LIPC: variants seen among roughly 807,000 people sequenced by gnomAD.
LIPC encodes the protein hepatic triacylglycerol lipase.
A neutral mutation model predicts 50.7 loss-of-function variants in LIPC; 44 were observed. That is an observed-to-expected ratio of 0.87 (90% CI 0.68 to 1.11). LIPC has a LOEUF of 1.11. Ranked by LOEUF, LIPC falls within the 50% of genes most tolerant of loss-of-function variation. The pLI, the probability that LIPC is intolerant of heterozygous loss-of-function variation, is 0.00. For missense variants in LIPC, 697 were observed against 648.2 expected (o/e 1.08, Z -0.82); for synonymous variants, 271 against 256.4 (o/e 1.06, Z -0.54).
intron 1 of LIPC, among the ~76,000 whole-genome samples, chr15:58,514,447 A>C (rs1177399857): frequency 2.0e-5 from 3 of 152,234 alleles, no homozygotes; most frequent in Non-Finnish European, 4.4e-5. Flanking sequence ...CCCTTATCTC[A>C]TATAGAAGAC....
At chr15:58,564,086 A>T (rs1182345988) in intron 8 of LIPC, 18 of 311,502 alleles carry the variant, frequency 5.8e-5, no homozygotes, top group African/African-American at 3.2e-4. Context: ...TAGATGCAAC[A>T]TCTTTTTTTT....
At chr15:58,539,959 C>T (rs1893266132) in intron 2 of LIPC, among the ~76,000 whole-genome samples, 1 of 152,206 alleles carries the variant, frequency 6.6e-6, no homozygotes, top group African/African-American at 2.4e-5. Flanking sequence ...CCGGGAGTTC[C>T]CGTGTGGCCC....
intron 1 of LIPC, among the ~76,000 whole-genome samples, chr15:58,465,126 C>A (rs547218095): frequency 6.6e-6 from 1 of 152,256 alleles, no homozygotes; most frequent in East Asian, 1.9e-4. Context: ...GTTTTGGGTT[C>A]CTATGTCTTA....
At chr15:58,561,469 T>C (rs1273983109) in intron 7 of LIPC, among the ~76,000 whole-genome samples, 1 of 152,158 alleles carries the variant, frequency 6.6e-6, no homozygotes, top group African/African-American at 2.4e-5. Flanking sequence ...AAGGTTCTTA[T>C]TATGCAGAAG....
At chr15:58,441,133 G>A (rs544196670) in intron 1 of LIPC, among the ~76,000 whole-genome samples, 1 of 152,330 alleles carries the variant, frequency 6.6e-6, no homozygotes, top group African/African-American at 2.4e-5. Flanking sequence ...GTGGGGCCCA[G>A]CAGGGACCAG....
intron 1 of LIPC, among the ~76,000 whole-genome samples, chr15:58,511,513 G>A (rs978355066): frequency 6.6e-6 from 1 of 152,154 alleles, no homozygotes; most frequent in African/African-American, 2.4e-5. Flanking sequence ...CAAGGGTTAG[G>A]GCCCAGGCAA....
intron 1 of LIPC, among the ~76,000 whole-genome samples, chr15:58,537,593 T>C (rs1363030018): frequency 2.0e-5 from 3 of 152,302 alleles, no homozygotes; most frequent in Admixed American, 6.5e-5. Flanking sequence ...TCTTTATGTA[T>C]GCAAGGTTGC....
chr15:58,517,849 G>C (rs1468529305), intron 1 of LIPC, among the ~76,000 whole-genome samples: 2 of 152,206 alleles, frequency 1.3e-5, no homozygotes, highest in Non-Finnish European at 2.9e-5. Context: ...AGAAAGGCAG[G>C]CGTCACAGCT....
chr15:58,541,669 G>A lies in LIPC; in HGVS notation c.274-116G>A, dbSNP rs1262103706. The A allele has an allele frequency of 6.6e-6, 7 of 1,056,662 alleles. No homozygotes were observed. The African/African-American group carries it at 9.4e-5, about 14-fold the overall frequency. The allele number at this position is 1,056,662 out of a possible 1,614,324, so 65.5% of individuals were successfully genotyped here. ...CTGGCCCAAAATGTCAACTGTGCAT[G>A]GCTGAGAAACGTCATAGCAAGCCCT... is the stretch of plus-strand genomic sequence containing the variant. On this transcript the variant is annotated intron_variant, in intron 2 of 8. Coordinates refer to ENST00000299022, the MANE Select transcript of LIPC (RefSeq NM_000236.3).
chr15:58,506,187 G>A (rs539494771), intron 1 of LIPC, among the ~76,000 whole-genome samples: 20 of 152,234 alleles, frequency 1.3e-4, no homozygotes, highest in Non-Finnish European at 2.5e-4. Context: ...GCTTCACAAC[G>A]GGGCTCTCCT....
chr15:58,437,967 A>C (rs994532601), intron 1 of LIPC, among the ~76,000 whole-genome samples: 11 of 152,082 alleles, frequency 7.2e-5, no homozygotes, highest in African/African-American at 2.2e-4. Context: ...CCTGTCCTCC[A>C]CTCTGCTTGC....
intron 1 of LIPC, among the ~76,000 whole-genome samples, chr15:58,530,405 C>T (rs1032635118): frequency 3.3e-5 from 5 of 152,236 alleles, no homozygotes; most frequent in Admixed American, 2.0e-4. Flanking sequence ...CAGAAACAGC[C>T]TGTCCTCTCA....
chr15:58,436,728 G>C (rs1484200091), intron 1 of LIPC: 1 of 456,272 alleles, frequency 2.2e-6, no homozygotes, highest in Non-Finnish European at 4.4e-6. Flanking sequence ...GGAATGAGTA[G>C]AGAAGCAGAT....
chr15:58,508,950 T>A (rs1892249557), intron 1 of LIPC, among the ~76,000 whole-genome samples: 1 of 152,168 alleles, frequency 6.6e-6, no homozygotes, highest in African/African-American at 2.4e-5. Flanking sequence ...TAGGCAGAGC[T>A]CCCTCATTCA....
At chr15:58,458,112 T>G (rs899274496) in intron 1 of LIPC, among the ~76,000 whole-genome samples, 25 of 151,376 alleles carry the variant, frequency 1.7e-4, no homozygotes, top group African/African-American at 5.8e-4. Flanking sequence ...GCTTTAAAAA[T>G]AAATACATAA....
intron 1 of LIPC, among the ~76,000 whole-genome samples, chr15:58,489,815 G>A (rs1414512518): frequency 6.6e-6 from 1 of 152,120 alleles, no homozygotes; most frequent in Non-Finnish European, 1.5e-5. Flanking sequence ...TTGAGTTTGG[G>A]GAGTGGCTAT....
chr15:58,478,484 C>A (rs974586895), intron 1 of LIPC, among the ~76,000 whole-genome samples: 1 of 152,156 alleles, frequency 6.6e-6, no homozygotes, highest in Admixed American at 6.5e-5. Flanking sequence ...AGTGATCCAC[C>A]GATCTTGGCC....
At chr15:58,445,141 C>T (rs1324509134) in intron 1 of LIPC, among the ~76,000 whole-genome samples, 1 of 152,172 alleles carries the variant, frequency 6.6e-6, no homozygotes, top group Non-Finnish European at 1.5e-5. Flanking sequence ...GAGAGGCATC[C>T]TCCCTCTTCA....
chr15:58,542,804 T>C (rs142289725), intron 4 of LIPC, among the ~76,000 whole-genome samples, 153 bp downstream of exon 4: 98 of 152,350 alleles, frequency 6.4e-4, no homozygotes, highest in Middle Eastern at 6.8e-3. Context: ...CTTTCAAACA[T>C]GACCAATGTC....
Sources: gnomAD v4.1 joint callset for allele counts (sites outside exome capture counted in the v4.1 genomes callset) on GRCh38, gnomAD v4.1.1 for gene constraint, MANE v1.5 for transcripts, NCBI Gene and HGNC (gene_info 2026-07-23, HGNC 2026-07-21) for gene names.